The following TBC1D10A variants were observed in gnomAD, a reference collection of about 807,000 sequenced individuals.
TBC1D10A encodes the protein EBP50-PDX interactor of 64 kDa.
TBC1D10A carries 24 observed loss-of-function variants against 52.9 expected under a neutral mutation model. That is an observed-to-expected ratio of 0.45 (90% CI 0.33 to 0.64). The LOEUF (loss-of-function observed/expected upper bound fraction) is 0.64. TBC1D10A is among the 30% of genes least tolerant of loss of function. The pLI is 0.02. For missense variants in TBC1D10A, 602 were observed against 687.9 expected, an observed-to-expected ratio of 0.88 and a Z score of 1.40; for synonymous variants, 278 against 282.9, an observed-to-expected ratio of 0.98 and a Z score of 0.17.
intron 7 of TBC1D10A, 41 bp downstream of exon 7, chr22:30,293,880 T>G (rs1235271024): frequency 1.2e-6 from 2 of 1,603,784 alleles, no homozygotes; most frequent in Non-Finnish European, 1.7e-6. Context: ...CACTGTGGGC[T>G]GCTGGGGACA....
In TBC1D10A at chr22:30,303,922, G is replaced by A. The variant is rs534540404; in HGVS notation, c.309+609C>T. ...CTACTGGGTGATTTCATTTTCGTAA[G>A]ACTATCATTAAAGTGTGAAGTTACT... is the stretch of plus-strand genomic sequence containing the variant. On this transcript the variant is annotated intron_variant, in intron 2 of 8. Coordinates refer to ENST00000215790, the MANE Select transcript of TBC1D10A (RefSeq NM_031937.3). Among the ~76,000 whole-genome samples, 6 of 152,338 alleles carry A rather than the reference G, an allele frequency of 3.9e-5. No individual in the cohort carries two copies. In the East Asian group the frequency reaches 5.8e-4, roughly 15 times the overall value.
At chr22:30,306,910 A>G (rs2145773960) in intron 1 of TBC1D10A, among the ~76,000 whole-genome samples, 1 of 152,346 alleles carries the variant, frequency 6.6e-6, no homozygotes, top group South Asian at 2.1e-4. Flanking sequence ...TTGTTAAATC[A>G]GAAGAGTCAC....
rs1218921934 is a variant in TBC1D10A at position 30,295,772 on chromosome 22, T to C, written c.489A>G (p.Pro163=). The C allele has an allele frequency of 6.2e-7, 1 of 1,614,018 alleles. No individual in the cohort carries two copies. ...VIERDLHRQF[P]FHEMFVSRGG... ...CCCGGGACACAAACATCTCATGGAATGGGAACTGCCGGTGCAGGTCACGCT... is the reference window on the plus strand; with the variant it reads ...CCCGGGACACAAACATCTCATGGAACGGGAACTGCCGGTGCAGGTCACGCT... The change falls in exon 4 of 9, where the codon CCA becomes CCG. Residue 163 remains proline (P), a synonymous_variant. Transcript: ENST00000215790.
intron 1 of TBC1D10A, among the ~76,000 whole-genome samples, chr22:30,314,984 C>T (rs566503957): frequency 5.9e-5 from 9 of 152,270 alleles, no homozygotes; most frequent in Non-Finnish European, 8.8e-5. Context: ...TGGAATCTTT[C>T]GGGATGCCCA....
intron 8 of TBC1D10A, chr22:30,293,262 G>A (rs1235153543): frequency 1.7e-6 from 1 of 605,226 alleles, no homozygotes; most frequent in Non-Finnish European, 3.2e-6. Context: ...TTCTGCCTCT[G>A]TGAGCCTCCA....
chr22:30,309,448 T>C (rs1305155464), intron 1 of TBC1D10A, among the ~76,000 whole-genome samples: 1 of 152,094 alleles, frequency 6.6e-6, no homozygotes, highest in Admixed American at 6.5e-5. Context: ...ATGGTCTCAA[T>C]CTCTTGACTA....
In TBC1D10A at chr22:30,293,581, G is replaced by GGGACCCCCTTCAAA. The variant is rs1319921611; in HGVS notation, c.1050+56_1050+69dup. The GGGACCCCCTTCAAA allele has an allele frequency of 8.1e-4, 1,268 of 1,556,186 alleles. 3 individuals are homozygous for GGGACCCCCTTCAAA. Among genetic ancestry groups the GGGACCCCCTTCAAA allele is most frequent in the Non-Finnish European group, 9.8e-4 (1,120 of 1,147,994 alleles). On this transcript the variant is annotated intron_variant, in intron 8 of 8. Transcript: ENST00000215790. The stretch of plus-strand genomic sequence containing the variant: ...CCACCCTCAGGGGCTGAGGGTTAGC[G>GGGACCCCCTTCAAA]GGACCCCCTTCAAAGGACCCCCACC...
intron 1 of TBC1D10A, among the ~76,000 whole-genome samples, chr22:30,313,341 ATGTG>A (rs6147586): frequency 0.029 from 3,972 of 138,034 alleles, 103 homozygotes; most frequent in African/African-American, 0.077. Context: ...TGCTCAATAA[ATGTG>A]TGTGTGTGTG....
At chr22:30,313,218 A>AC (rs1930460969) in intron 1 of TBC1D10A, among the ~76,000 whole-genome samples, 2 of 152,074 alleles carry the variant, frequency 1.3e-5, no homozygotes, top group African/African-American at 4.8e-5. Flanking sequence ...GAGCTTCTCC[A>AC]CCTAAGGGCT....
At chr22:30,313,202 C>T (rs4320024) in intron 1 of TBC1D10A, among the ~76,000 whole-genome samples, 11,225 of 152,212 alleles carry the variant, frequency 0.074, 559 homozygotes, top group Middle Eastern at 0.16. Context: ...TCCAGTGGGA[C>T]AGGTGGAGCT....
chr22:30,320,600 CCT>C (rs1930632311), intron 1 of TBC1D10A, among the ~76,000 whole-genome samples: 1 of 152,144 alleles, frequency 6.6e-6, no homozygotes, highest in South Asian at 2.1e-4. Context: ...GATAATCACC[CCT>C]CTCAGGGGAA....
chr22:30,312,069 G>A (rs1930436830), intron 1 of TBC1D10A, among the ~76,000 whole-genome samples: 1 of 152,274 alleles, frequency 6.6e-6, no homozygotes, highest in East Asian at 1.9e-4. Flanking sequence ...TTAGGATTAC[G>A]GGTATTAGTG....
chr22:30,326,835 C>G lies in TBC1D10A; in HGVS notation c.47G>C (p.Gly16Ala). The G allele has an allele frequency of 6.8e-7, 1 of 1,475,848 alleles. No individual in the cohort carries two copies. Among genetic ancestry groups the G allele is most frequent in the Admixed American group, 2.6e-5 (1 of 39,118 alleles). The allele number at this position is 1,475,848 out of a possible 1,614,324, so 91.4% of individuals were successfully genotyped here. A position where few individuals can be genotyped will look rare whatever the true frequency, so the allele number is the denominator to read the frequency against. The change falls in exon 1 of 9, where the codon GGG becomes GCG. Residue 16 changes from glycine to alanine, a missense_variant. Around this residue, in one of 3 missense-constraint regions of TBC1D10A, gnomAD observed 201 missense variants for 204.4 expected, o/e 0.98. Transcript: ENST00000215790. The part of the protein sequence containing the change: ...GENGPRAPAA[G>A]ESLSGTRESL... Reference sequence around the variant, plus strand: ...CTCCCGGGTTCCCGACAGGCTTTCCCCGGCCGCGGGCGCGCGCGGCCCATT... The same window carrying G: ...CTCCCGGGTTCCCGACAGGCTTTCCGCGGCCGCGGGCGCGCGCGGCCCATT...
chr22:30,295,153 C>A, intron 4 of TBC1D10A, 98 bp from the exon 5 acceptor site: 1 of 1,213,206 alleles, frequency 8.2e-7, no homozygotes, highest in Non-Finnish European at 1.2e-6. Flanking sequence ...CAGAATCTGC[C>A]CCTCCCTTGA....
At position 30,326,893 on chromosome 22, in the gene TBC1D10A, C is replaced by T; in HGVS notation, c.-12G>A. On this transcript the variant is annotated 5_prime_UTR_variant, in exon 1 of 9. Transcript: ENST00000215790. ...TTGCTCTTCGCCATCCCAGCCGCGC[C>T]CGCCGCCTGAGCTCCAGCGGCCACC... 10 of 1,470,588 alleles carry T rather than the reference C, an allele frequency of 6.8e-6. No homozygotes were observed. Among genetic ancestry groups the T allele is most frequent in the Non-Finnish European group, 8.9e-6 (10 of 1,118,478 alleles). 91.1% of individuals were successfully genotyped at this position (1,470,588 alleles called of 1,614,324 possible).
chr22:30,305,858 C>G (rs1445765280), intron 1 of TBC1D10A, among the ~76,000 whole-genome samples: 1 of 152,218 alleles, frequency 6.6e-6, no homozygotes, highest in Non-Finnish European at 1.5e-5. Context: ...GACTACAGCC[C>G]AGGCAAAGGA....
Position 30,301,227 on chromosome 22 carries a change from G to A in TBC1D10A, c.310-1676C>T, listed in dbSNP as rs376085541. Among the ~76,000 whole-genome samples, 76 of 152,268 alleles carry A rather than the reference G, an allele frequency of 5.0e-4. No individual in the cohort carries two copies. In the East Asian group the frequency reaches 0.011, roughly 23 times the overall value. On this transcript the variant is annotated intron_variant, in intron 2 of 8. Coordinates refer to ENST00000215790, the MANE Select transcript of TBC1D10A (RefSeq NM_031937.3). ...GCTCTGAAGGCAGTTGCCCTGACCC[G>A]TCAAGGTGGGCAAGGACAAAGGCAG...
chr22:30,305,708 T>C (rs535372272), intron 1 of TBC1D10A: 1 of 152,392 alleles, frequency 6.6e-6, no homozygotes, highest in East Asian at 1.9e-4. Flanking sequence ...CTGTGACTTT[T>C]ACTGGTTGGA....
Position 30,310,837 on chromosome 22 carries a change from G to A in TBC1D10A, c.210-6207C>T, listed in dbSNP as rs542905080. Among the ~76,000 whole-genome samples the A allele has an allele frequency of 7.9e-5, 12 of 152,250 alleles. No homozygotes were observed. In the East Asian group the frequency reaches 2.1e-3, roughly 27 times the overall value. Reference sequence around the variant, plus strand: ...CTATACAAGACATATAAAGTCCCCCGCTCATACCATGGCTTCAATCCCTGT... The same window carrying A: ...CTATACAAGACATATAAAGTCCCCCACTCATACCATGGCTTCAATCCCTGT... On this transcript the variant is annotated intron_variant, in intron 1 of 8. Coordinates refer to ENST00000215790, the MANE Select transcript of TBC1D10A (RefSeq NM_031937.3).
Sources: gnomAD v4.1 joint callset for allele counts (sites outside exome capture counted in the v4.1 genomes callset) on GRCh38, gnomAD v4.1.1 for gene constraint, gnomAD v4.1.1 regional missense constraint, MANE v1.5 for transcripts, NCBI Gene and HGNC (gene_info 2026-07-23, HGNC 2026-07-21) for gene names.